Variants in ABCA8 observed in about 807,000 individuals in gnomAD.
The protein encoded by ABCA8 is ABC-type organic anion transporter ABCA8.
Under a neutral mutation model 192.3 loss-of-function variants are expected in ABCA8, and 177 were observed. That is an observed-to-expected ratio of 0.92 (90% confidence interval 0.81 to 1.04). The LOEUF (loss-of-function observed/expected upper bound fraction) is 1.04. ABCA8 is among the 50% of genes least tolerant of loss of function. The pLI, the probability that ABCA8 is intolerant of heterozygous loss-of-function variation, is 0.00. For synonymous variants in ABCA8, 642 were observed against 690.2 expected (o/e 0.93, Z 1.09); for missense variants, 1,915 against 1,904.8 (o/e 1.01, Z -0.10).
intron 21 of ABCA8, among the ~76,000 whole-genome samples, chr17:68,896,875 A>G (rs569319520): frequency 6.6e-6 from 1 of 152,360 alleles, no homozygotes; most frequent in African/African-American, 2.4e-5. Flanking sequence ...AGAAGAAAAA[A>G]GAAACTCATG....
chr17:68,944,359 T>TATATATATACAC lies in ABCA8; in HGVS notation c.-5-2321_-5-2320insGTGTATATATAT, dbSNP rs765731645. On this transcript the variant is annotated intron_variant, in intron 2 of 39. Coordinates refer to ENST00000586539, the MANE Select transcript of ABCA8 (RefSeq NM_001288985.2). ...ATATATATATATATATATATATATA[T>TATATATATACAC]ACACATATACATACATATGCAAACA... Among the ~76,000 whole-genome samples the TATATATATACAC allele has an allele frequency of 3.9e-3, 270 of 69,252 alleles. 7 individuals carry two copies. Among genetic ancestry groups the TATATATATACAC allele is most frequent in the Non-Finnish European group, 5.5e-3 (187 of 34,176 alleles). The allele number at this position is 69,252 out of a possible 152,430, so 45.4% of individuals were successfully genotyped here.
chr17:68,870,908 A>G (rs2066032357), intron 37 of ABCA8, among the ~76,000 whole-genome samples: 1 of 152,144 alleles, frequency 6.6e-6, no homozygotes. Context: ...TGATATTTTG[A>G]GAATCTACCA....
rs766393824 is a variant in ABCA8 at position 68,927,915 on chromosome 17, C to T, written c.1273+1G>A. 6.3e-7 allele frequency: 1 copy of T among 1,594,208 alleles called. No individual in the cohort carries two copies. The highest frequency in any genetic ancestry group is 1.2e-5 in the South Asian group (1 of 86,192). On this transcript the variant is annotated splice_donor_variant, in intron 10 of 39. Coordinates refer to ENST00000586539, the MANE Select transcript of ABCA8 (RefSeq NM_001288985.2). LOFTEE classifies it high-confidence loss of function. The stretch of plus-strand genomic sequence containing the variant: ...ATGATTTTAATCATATCATTACTCA[C>T]TTGGCAAAATTTTTTCAAAGTAAAT...
chr17:68,875,649 A>G lies in ABCA8; in HGVS notation c.4455T>C (p.Cys1485=), dbSNP rs980752815. Residue 1485 remains cysteine (C), a synonymous_variant, in exon 36 of 40, where the codon TGT becomes TGC. Coordinates refer to ENST00000586539, the MANE Select transcript of ABCA8 (RefSeq NM_001288985.2). The part of the protein sequence containing the change: ...THYMAEAEAV[C]DRVAIMVSGR... ...CAGATACCATGATGGCCACTCGGTCACACACGGCCTCAGCCTCTGCCATGT... is the reference window on the plus strand; with the variant it reads ...CAGATACCATGATGGCCACTCGGTCGCACACGGCCTCAGCCTCTGCCATGT... 3 of 1,614,052 alleles carry G rather than the reference A, an allele frequency of 1.9e-6. No individual in the cohort carries two copies. The African/African-American group carries it at 4.0e-5, about 22-fold the overall frequency.
At chr17:68,893,456 C>T (rs2066663154) in intron 23 of ABCA8, among the ~76,000 whole-genome samples, 1 of 152,184 alleles carries the variant, frequency 6.6e-6, no homozygotes, top group South Asian at 2.1e-4. Flanking sequence ...ATATTTTTGA[C>T]AAGAATCTGC....
intron 26 of ABCA8, among the ~76,000 whole-genome samples, chr17:68,886,076 G>C (rs1226454969): frequency 2.0e-5 from 3 of 152,092 alleles, no homozygotes; most frequent in Non-Finnish European, 1.5e-5. Context: ...AAAGTGATAG[G>C]TACACTGGAA....
chr17:68,907,794 T>C lies in ABCA8; in HGVS notation c.2224A>G (p.Ser742Gly), dbSNP rs565226522. 3 of 1,610,100 alleles carry C rather than the reference T, an allele frequency of 1.9e-6. No individual in the cohort carries two copies. Among genetic ancestry groups the C allele is most frequent in the East Asian group, 4.5e-5 (2 of 44,772 alleles). The stretch of plus-strand genomic sequence containing the variant: ...AATGTATAAATAAGTTTTCCTTCGC[T>C]TTTGGCTGATAATTTGGCATCAGGG... ...HIPDAKLSAK[S>G]EGKLIYTLPL... Residue 742 changes from serine to glycine, a missense_variant, in exon 18 of 40, where the codon AGC becomes GGC. Physicochemically the swap from Ser to Gly is moderately conservative, Grantham distance 56 (BLOSUM62 0). Transcript: ENST00000586539.
At chr17:68,880,506 C>T (rs543679843) in intron 32 of ABCA8, among the ~76,000 whole-genome samples, 3 of 152,268 alleles carry the variant, frequency 2.0e-5, no homozygotes, top group Non-Finnish European at 4.4e-5. Flanking sequence ...GAGCTGCAGC[C>T]CTTCGGGGAT....
At chr17:68,938,746 A>G (rs887904383) in intron 4 of ABCA8, among the ~76,000 whole-genome samples, 2 of 152,140 alleles carry the variant, frequency 1.3e-5, no homozygotes, top group African/African-American at 4.8e-5. Flanking sequence ...CCAACCATCA[A>G]TTCTGATTTG....
At chr17:68,934,949 G>A (rs1367615744) in intron 5 of ABCA8, among the ~76,000 whole-genome samples, 1 of 151,434 alleles carries the variant, frequency 6.6e-6, no homozygotes, top group African/African-American at 2.4e-5. Flanking sequence ...GATCTGTGTT[G>A]TTTTATGAAA....
At chr17:68,895,637 C>A (rs1186032084) in intron 21 of ABCA8, among the ~76,000 whole-genome samples, 2 of 152,188 alleles carry the variant, frequency 1.3e-5, no homozygotes, top group Non-Finnish European at 2.9e-5. Context: ...CTTCCCAGAT[C>A]TGTGTAATAG....
In ABCA8 at chr17:68,884,414, A is replaced by G. The variant is rs1218282228; in HGVS notation, c.3550-18T>C. The G allele has an allele frequency of 6.4e-7, 1 of 1,568,506 alleles. No individual in the cohort carries two copies. The highest frequency in any genetic ancestry group is 2.3e-5 in the East Asian group (1 of 43,246). ...AAGAGAAGCTGCAAAAGAAAAGACA[A>G]TTGCTAAACAGGGAGTTTTTTGTTT... On this transcript the variant is annotated intron_variant, in intron 27 of 39. Transcript: ENST00000586539.
chr17:68,907,890 GAAAAA>G lies in ABCA8; in HGVS notation c.2139-16_2139-12del. ...TCATTTAACTGCAAGCTGGCATTCA[GAAAAA>G]AAAAAAAAGACATATGTTACTCGAC... On this transcript the variant is annotated splice_polypyrimidine_tract_variant and intron_variant, in intron 17 of 39. Transcript: ENST00000586539. The G allele has an allele frequency of 7.6e-7, 1 of 1,316,584 alleles. No homozygotes were observed. The highest frequency in any genetic ancestry group is 1.0e-6 in the Non-Finnish European group (1 of 985,042). The allele number at this position is 1,316,584 out of a possible 1,614,324, so 81.6% of individuals were successfully genotyped here.
intron 7 of ABCA8, 54 bp from the exon 8 acceptor site, chr17:68,929,756 G>T: frequency 6.7e-7 from 1 of 1,483,214 alleles, no homozygotes; most frequent in South Asian, 1.4e-5. Context: ...TGAAAAGGAA[G>T]ACCTGAAATG....
chr17:68,885,934 T>C (rs1173224032), intron 26 of ABCA8, among the ~76,000 whole-genome samples: 2 of 152,140 alleles, frequency 1.3e-5, no homozygotes, highest in African/African-American at 4.8e-5. Flanking sequence ...TTGAAATTGA[T>C]ATCTAACAGG....
At chr17:68,919,249 G>A (rs1304758545) in intron 14 of ABCA8, 52 bp downstream of exon 14, 40 of 1,481,284 alleles carry the variant, frequency 2.7e-5, no homozygotes, top group Non-Finnish European at 3.2e-5. Flanking sequence ...AGTGCAAATG[G>A]TTTTAATAAT....
chr17:68,948,846 G>GT (rs2068488865), intron 2 of ABCA8, among the ~76,000 whole-genome samples: 2 of 152,070 alleles, frequency 1.3e-5, no homozygotes, highest in South Asian at 2.1e-4. Context: ...TACTGCCTAG[G>GT]TTTTTTTCTA....
At chr17:68,952,017 T>C (rs2068580643) in intron 1 of ABCA8, among the ~76,000 whole-genome samples, 1 of 152,188 alleles carries the variant, frequency 6.6e-6, no homozygotes, top group Admixed American at 6.5e-5. Flanking sequence ...TTCCTCTCCT[T>C]CTTCACTTCT....
intron 21 of ABCA8, among the ~76,000 whole-genome samples, chr17:68,901,490 C>G (rs576632768): frequency 6.6e-6 from 1 of 152,044 alleles, no homozygotes; most frequent in African/African-American, 2.4e-5. Context: ...GGCAAGCATA[C>G]GTAGAAACTG....
Sources: gnomAD v4.1 joint callset for allele counts (sites outside exome capture counted in the v4.1 genomes callset) on GRCh38, gnomAD v4.1.1 for gene constraint, MANE v1.5 for transcripts, NCBI Gene and HGNC (gene_info 2026-07-23, HGNC 2026-07-21) for gene names.